RERE: variants seen among roughly 807,000 people sequenced by gnomAD.
The protein encoded by RERE is arginine-glutamic acid dipeptide repeats protein.
RERE carries 40 observed loss-of-function variants against 146.1 expected under a neutral mutation model. The ratio of observed to expected loss-of-function variants is 0.27; its 90% CI spans 0.21 to 0.36. RERE has a LOEUF of 0.36. RERE is among the 10% of genes least tolerant of loss of function. RERE has a pLI of 1.00. For synonymous variants in RERE, 1,003 were observed against 866.0 expected, an observed-to-expected ratio of 1.16 and a Z score of -2.78; for missense variants, 1,933 against 2,138.7, an observed-to-expected ratio of 0.90 and a Z score of 1.90.
intron 11 of RERE, among the ~76,000 whole-genome samples, chr1:8,451,468 C>T (rs2124072456): frequency 6.6e-6 from 1 of 152,116 alleles, no homozygotes; most frequent in African/African-American, 2.4e-5. Flanking sequence ...GCCTCAACAT[C>T]CCGACCTCCC....
chr1:8,401,038 C>T lies in RERE; in HGVS notation c.1284+21689G>A, dbSNP rs868120876. 8.7e-5 allele frequency among the ~76,000 whole-genome samples: 5 copies of T among 57,476 alleles called. 1 individual carries two copies. The highest frequency in any genetic ancestry group is 8.9e-4 in the East Asian group (2 of 2,250). The allele number at this position is 57,476 out of a possible 152,430, so 37.7% of individuals were successfully genotyped here. A position where few individuals can be genotyped will look rare whatever the true frequency, so the allele number is the denominator to read the frequency against. On this transcript the variant is annotated intron_variant, in intron 12 of 22. Coordinates refer to ENST00000400908, the MANE Select transcript of RERE (RefSeq NM_001042681.2). ...GTCTCAAAAAAAAAAAAAAAAAAAC[C>T]ATATATATATATATATATATATATA...
chr1:8,497,708 A>C (rs1645063829), intron 8 of RERE, among the ~76,000 whole-genome samples, 179 bp from the exon 9 acceptor site: 2 of 152,240 alleles, frequency 1.3e-5, no homozygotes, highest in Non-Finnish European at 2.9e-5. Context: ...TGTCAGGATC[A>C]TTTCACCATA....
In RERE at chr1:8,365,957, G is replaced by A. The variant is rs1641788943; in HGVS notation, c.1302C>T (p.Phe434=). The A allele has an allele frequency of 1.9e-6, 3 of 1,613,520 alleles. No individual in the cohort carries two copies. The South Asian group carries it at 3.3e-5, about 18-fold the overall frequency. ...PNKETGELIT[F]YYYWKKTPEA... ...CGGGGGTCTTCTTCCAATAGTAATA[G>A]AAGGTGATCAGCTCCCCCTGCAGAA... The change falls in exon 13 of 23, where the codon TTC becomes TTT. Residue 434 remains phenylalanine (F), a synonymous_variant. Transcript: ENST00000400908.
In RERE at chr1:8,659,641, T is replaced by C. The variant is rs1638410047; in HGVS notation, c.-144-3200A>G. On this transcript the variant is annotated intron_variant, in intron 1 of 22. Coordinates refer to ENST00000400908, the MANE Select transcript of RERE (RefSeq NM_001042681.2). Reference sequence around the variant, plus strand: ...ACCCTGAAAACTCATCAGTGTCTACTAGGAGTCCAAAAAGAATGAAAAGCT... The same window carrying C: ...ACCCTGAAAACTCATCAGTGTCTACCAGGAGTCCAAAAAGAATGAAAAGCT... 2.0e-5 allele frequency among the ~76,000 whole-genome samples: 3 copies of C among 152,358 alleles called. No individual in the cohort carries two copies. In the Middle Eastern group the frequency reaches 0.01, roughly 518 times the overall value.
chr1:8,626,141 G>A (rs1033922423), intron 2 of RERE, among the ~76,000 whole-genome samples: 5 of 152,150 alleles, frequency 3.3e-5, no homozygotes, highest in Non-Finnish European at 7.3e-5. Flanking sequence ...TCCCACCACA[G>A]TAGATCATTC....
intron 11 of RERE, among the ~76,000 whole-genome samples, chr1:8,450,535 T>C (rs301813): frequency 0.85 from 129,054 of 151,918 alleles, 55,178 homozygotes; most frequent in East Asian, 0.95. Context: ...TCCCAACTGA[T>C]GCCTCGCACG....
intron 1 of RERE, among the ~76,000 whole-genome samples, chr1:8,748,361 T>C (rs1640465657): frequency 6.6e-6 from 1 of 152,168 alleles, no homozygotes; most frequent in Non-Finnish European, 1.5e-5. Context: ...CCCTCTGTCA[T>C]TCACTCTCAC....
intron 10 of RERE, among the ~76,000 whole-genome samples, chr1:8,481,953 G>A (rs1644839652): frequency 6.6e-6 from 1 of 152,276 alleles, no homozygotes. Context: ...GTTGCTTAGT[G>A]CAGGTGCCAC....
At chr1:8,431,055 C>T (rs1013227983) in intron 11 of RERE, among the ~76,000 whole-genome samples, 1 of 152,190 alleles carries the variant, frequency 6.6e-6, no homozygotes, top group Non-Finnish European at 1.5e-5. Flanking sequence ...AACTGAGGTG[C>T]AGGCTTATTA....
chr1:8,683,002 AT>A (rs1444818811), intron 1 of RERE, among the ~76,000 whole-genome samples: 1 of 128,454 alleles, frequency 7.8e-6, no homozygotes, highest in African/African-American at 3.0e-5. Context: ...AGACTCCATA[AT>A]TTACCAACTC....
At chr1:8,741,075 CAT>C (rs923672316) in intron 1 of RERE, among the ~76,000 whole-genome samples, 6 of 152,206 alleles carry the variant, frequency 3.9e-5, no homozygotes, top group Non-Finnish European at 7.3e-5. Flanking sequence ...TCACCACACA[CAT>C]GAGTAATATA....
At chr1:8,541,826 T>C (rs1645804552) in intron 6 of RERE, among the ~76,000 whole-genome samples, 1 of 152,220 alleles carries the variant, frequency 6.6e-6, no homozygotes, top group African/African-American at 2.4e-5. Context: ...ATAAAGTTAC[T>C]TGGAAATTAA....
intron 1 of RERE, among the ~76,000 whole-genome samples, chr1:8,705,189 G>A (rs780486666): frequency 1.3e-5 from 2 of 152,192 alleles, no homozygotes; most frequent in Non-Finnish European, 2.9e-5. Flanking sequence ...GAAGCAAACC[G>A]CTCTATTCTG....
rs117657567 is a variant in RERE, at chr1:8,679,136, G to C, written c.-144-22695C>G. On this transcript the variant is annotated intron_variant, in intron 1 of 22. Coordinates refer to ENST00000400908, the MANE Select transcript of RERE (RefSeq NM_001042681.2). ...GTGCTGATCTAAAGCTAAATGTATG[G>C]TAAGTACAAATATTAAGATTCTCAT... 2.4e-4 allele frequency among the ~76,000 whole-genome samples: 36 copies of C among 152,218 alleles called. 1 individual carries two copies. In the East Asian group the frequency reaches 6.2e-3, roughly 26 times the overall value.
intron 2 of RERE, among the ~76,000 whole-genome samples, chr1:8,649,437 T>C (rs1044926764): frequency 6.6e-6 from 1 of 152,118 alleles, no homozygotes; most frequent in African/African-American, 2.4e-5. Flanking sequence ...CAACAAATAT[T>C]ATGGAATACA....
chr1:8,669,861 C>T (rs1214336904), intron 1 of RERE, among the ~76,000 whole-genome samples: 1 of 152,162 alleles, frequency 6.6e-6, no homozygotes, highest in Admixed American at 6.5e-5. Context: ...AAGGAAATGA[C>T]AGGGTGAATT....
chr1:8,408,181 T>A (rs1476103010), intron 12 of RERE, among the ~76,000 whole-genome samples: 1 of 151,812 alleles, frequency 6.6e-6, no homozygotes, highest in Non-Finnish European at 1.5e-5. Context: ...ACGCTTAACC[T>A]TGGCTAAGTT....
intron 4 of RERE, among the ~76,000 whole-genome samples, chr1:8,610,394 G>C (rs963472707): frequency 6.6e-6 from 1 of 151,644 alleles, no homozygotes; most frequent in South Asian, 2.1e-4. Flanking sequence ...TTCGAGACCA[G>C]CCTGGCCAAC....
chr1:8,356,210 AG>A lies in RERE; in HGVS notation c.4375del (p.Leu1459Ter). 1.3e-6 allele frequency: 2 copies of A among 1,524,114 alleles called. No individual in the cohort carries two copies. Among genetic ancestry groups the A allele is most frequent in the Non-Finnish European group, 1.7e-6 (2 of 1,147,146 alleles). 94.4% of individuals were successfully genotyped at this position (1,524,114 alleles called of 1,614,324 possible). A position where few individuals can be genotyped will look rare whatever the true frequency, so the allele number is the denominator to read the frequency against. The stretch of plus-strand genomic sequence containing the variant: ...GCGAGCCAGGTGGGGACCGGCAGTC[AG>A]GGGGTCGACCAGCGGGTGAACGGGG... Reference protein sequence around the residue: ...AGPVHPLVDPLTAGPHLARFP... With the variant: ...AGPVHPLVDPXTAGPHLARFP... On this transcript the variant is annotated frameshift_variant, in exon 21 of 23. Coordinates refer to ENST00000400908, the MANE Select transcript of RERE (RefSeq NM_001042681.2). LOFTEE classifies it high-confidence loss of function. This position sits in a 1 kb window ranked among gnomAD's most constrained non-coding sequence, Gnocchi z 5.2.
Sources: allele counts gnomAD v4.1 joint callset (sites outside exome capture counted in the v4.1 genomes callset), GRCh38; gene constraint gnomAD v4.1.1; non-coding constraint Gnocchi (gnomAD v3.1); transcripts MANE v1.5; gene names NCBI Gene and HGNC (gene_info 2026-07-23, HGNC 2026-07-21).